The following CFAP97 variants were observed in gnomAD, a reference collection of about 807,000 sequenced individuals.
CFAP97 encodes cilia and flagella associated protein 97.
A neutral mutation model predicts 43.1 loss-of-function variants in CFAP97; 36 were observed. The ratio of observed to expected loss-of-function variants is 0.84; its 90% confidence interval spans 0.64 to 1.10. The LOEUF (loss-of-function observed/expected upper bound fraction) is 1.10. Ranked by LOEUF, CFAP97 falls within the 50% of genes least tolerant of loss-of-function variation. CFAP97 has a pLI of 0.00. For missense variants in CFAP97, 657 were observed against 620.3 expected (o/e 1.06, Z -0.63); for synonymous variants, 228 against 225.7 (o/e 1.01, Z -0.09).
chr4:185,194,015 G>A (rs796338782), intron 1 of CFAP97, among the ~76,000 whole-genome samples: 26 of 152,278 alleles, frequency 1.7e-4, no homozygotes, highest in African/African-American at 6.0e-4. Flanking sequence ...CTACCTGTCC[G>A]TAAACGAAAT....
chr4:185,163,377 T>A (rs1560852262), intron 4 of CFAP97, among the ~76,000 whole-genome samples: 1 of 152,138 alleles, frequency 6.6e-6, no homozygotes, highest in Admixed American at 6.5e-5. Flanking sequence ...TGGGAAGTTG[T>A]GGCATCGGGC....
rs746545458 is a variant in CFAP97, at chr4:185,201,535, C to CA, written c.-17+2362dup. 6.9e-4 allele frequency among the ~76,000 whole-genome samples: 104 copies of CA among 150,882 alleles called. No individual in the cohort carries two copies. In the East Asian group the frequency reaches 7.7e-3, roughly 11 times the overall value. On this transcript the variant is annotated intron_variant, in intron 1 of 4. Transcript: ENST00000458385. Reference sequence around the variant, plus strand: ...ACAGTGAGGCAAGACCCTCCACCAGCAAAAAAAAATTACAACTCCCTGAAG... The same window carrying CA: ...ACAGTGAGGCAAGACCCTCCACCAGCAAAAAAAAAATTACAACTCCCTGAAG...
chr4:185,161,083 C>T lies in CFAP97; in HGVS notation c.*1715G>A, dbSNP rs1000031449. ...ATAGGTTATATAAACAGTAAAAGTA[C>T]AGTAAGTTAAAAAACAAAAGAAAAT... is the stretch of plus-strand genomic sequence containing the variant. On this transcript the variant is annotated 3_prime_UTR_variant, in exon 5 of 5. Transcript: ENST00000458385. 6.6e-6 allele frequency: 1 copy of T among 151,792 alleles called. No homozygotes were observed. Among genetic ancestry groups the T allele is most frequent in the Non-Finnish European group, 1.5e-5 (1 of 67,954 alleles). 9.4% of individuals were successfully genotyped at this position (151,792 alleles called of 1,614,324 possible).
At chr4:185,196,565 T>C (rs1337857959) in intron 1 of CFAP97, among the ~76,000 whole-genome samples, 4 of 152,142 alleles carry the variant, frequency 2.6e-5, no homozygotes, top group Non-Finnish European at 1.5e-5. Flanking sequence ...TAGGCCTTGA[T>C]GTAAAACCAG....
intron 2 of CFAP97, among the ~76,000 whole-genome samples, chr4:185,177,802 TC>T (rs1735613124): frequency 6.6e-6 from 1 of 151,982 alleles, no homozygotes; most frequent in African/African-American, 2.4e-5. Flanking sequence ...GCCAGTGCAC[TC>T]CAGCCTGGGC....
intron 1 of CFAP97, among the ~76,000 whole-genome samples, chr4:185,197,172 T>G (rs1337538909): frequency 6.8e-6 from 1 of 147,602 alleles, no homozygotes; most frequent in African/African-American, 2.5e-5. Context: ...TTTCTTGAAA[T>G]TTGAAGAAAC....
chr4:185,192,231 TCA>T (rs984311328), intron 1 of CFAP97, among the ~76,000 whole-genome samples: 2 of 152,134 alleles, frequency 1.3e-5, no homozygotes, highest in African/African-American at 4.8e-5. Flanking sequence ...GAATATGTAA[TCA>T]CAAACTGTGC....
chr4:185,172,249 A>G (rs1420271143), intron 3 of CFAP97, among the ~76,000 whole-genome samples: 1 of 152,228 alleles, frequency 6.6e-6, no homozygotes, highest in Non-Finnish European at 1.5e-5. Flanking sequence ...AATAATTTTT[A>G]TTCCCTTAAT....
At chr4:185,166,624 A>T (rs1204575663) in intron 3 of CFAP97, among the ~76,000 whole-genome samples, 1 of 152,230 alleles carries the variant, frequency 6.6e-6, no homozygotes, top group Non-Finnish European at 1.5e-5. Context: ...ATCAACAATA[A>T]TGCAAAAAGT....
At chr4:185,175,480 T>A (rs1269909168) in intron 3 of CFAP97, among the ~76,000 whole-genome samples, 2 of 152,144 alleles carry the variant, frequency 1.3e-5, no homozygotes, top group African/African-American at 2.4e-5. Flanking sequence ...TTTGCCAGAT[T>A]GTGCAATCTG....
At position 185,176,106 on chromosome 4, in the gene CFAP97, A is replaced by G. The variant is rs978373976; in HGVS notation, c.1055-55T>C. On this transcript the variant is annotated intron_variant, in intron 2 of 4. Coordinates refer to ENST00000458385, the MANE Select transcript of CFAP97 (RefSeq NM_020827.3). ...AATGGCCAAAGTAAGTATGTGGTAC[A>G]TGCTTTTTTTTTTTTTCTCTTTTTA... 19 of 1,275,190 alleles carry G rather than the reference A, an allele frequency of 1.5e-5. No individual in the cohort carries two copies. In the African/African-American group the frequency reaches 1.7e-4, roughly 12 times the overall value. The allele number at this position is 1,275,190 out of a possible 1,614,324, so 79.0% of individuals were successfully genotyped here. A position where few individuals can be genotyped will look rare whatever the true frequency, so the allele number is the denominator to read the frequency against.
At chr4:185,178,954 G>T (rs1735670147) in intron 2 of CFAP97, among the ~76,000 whole-genome samples, 1 of 152,048 alleles carries the variant, frequency 6.6e-6, no homozygotes, top group African/African-American at 2.4e-5. Context: ...GAGCACCAGT[G>T]GTTTATTTTA....
intron 3 of CFAP97, among the ~76,000 whole-genome samples, chr4:185,168,335 G>A (rs915804362): frequency 5.3e-5 from 8 of 151,416 alleles, no homozygotes; most frequent in African/African-American, 1.2e-4. Flanking sequence ...GGCTGGGTGC[G>A]GTGGCTCACA....
intron 1 of CFAP97, 41 bp from the exon 2 acceptor site, chr4:185,191,253 C>T: frequency 3.8e-6 from 5 of 1,313,640 alleles, no homozygotes; most frequent in Non-Finnish European, 5.0e-6. Flanking sequence ...GAGTGATTTC[C>T]AAATACTTTC....
upstream of CFAP97, among the ~76,000 whole-genome samples, chr4:185,207,074 A>T (rs1737218480): frequency 6.6e-6 from 1 of 152,132 alleles, no homozygotes; most frequent in African/African-American, 2.4e-5. Flanking sequence ...GGTTGCCCAC[A>T]TCAAGGGTGG....
In CFAP97 at chr4:185,203,983, G is replaced by C. The variant is rs1411447224; in HGVS notation, c.-102C>G. On this transcript the variant is annotated 5_prime_UTR_variant, in exon 1 of 5. Coordinates refer to ENST00000458385, the MANE Select transcript of CFAP97 (RefSeq NM_020827.3). ...CGGGCTCCCGGCGCCGCGCGCCCGC[G>C]CTTCCGGAGGCGGAGAGAGCGGAAA... is the stretch of plus-strand genomic sequence containing the variant. The C allele has an allele frequency of 2.6e-5, 4 of 151,356 alleles. No individual in the cohort carries two copies. Among genetic ancestry groups the C allele is most frequent in the African/African-American group, 7.3e-5 (3 of 41,324 alleles). The allele number at this position is 151,356 out of a possible 1,614,324, so 9.4% of individuals were successfully genotyped here.
chr4:185,190,143 C>A lies in CFAP97; in HGVS notation c.1054G>T (p.Ala352Ser). ...ATTTTTAAGAAGAAAAGAAAATTAC[C>A]TTTCAAGAGATGATTCAGATCCATT... is the stretch of plus-strand genomic sequence containing the variant. ...DTMDLNHLLK[A>S]FLQLDKKGPQ... is the part of the protein sequence containing the mutation. The change falls in exon 2 of 5, where the codon GCT (alanine) becomes TCT (serine). Residue 352 changes from alanine (A) to serine (S), a missense_variant and splice_region_variant. Transcript: ENST00000458385. 1.3e-6 allele frequency: 2 copies of A among 1,538,528 alleles called. No homozygotes were observed. Among genetic ancestry groups the A allele is most frequent in the South Asian group, 1.2e-5 (1 of 80,154 alleles).
intron 1 of CFAP97, among the ~76,000 whole-genome samples, chr4:185,203,349 C>T (rs1736997557): frequency 6.6e-6 from 1 of 152,226 alleles, no homozygotes; most frequent in Non-Finnish European, 1.5e-5. Flanking sequence ...CAGAAAAGCA[C>T]CGGGCACTTT....
chr4:185,170,176 T>G lies in CFAP97; in HGVS notation c.1320+5610A>C. The G allele has an allele frequency of 5.0e-6, 3 of 597,086 alleles. No individual in the cohort carries two copies. In the South Asian group the frequency reaches 7.9e-5, roughly 16 times the overall value. 37.0% of individuals were successfully genotyped at this position (597,086 alleles called of 1,614,324 possible). A position where few individuals can be genotyped will look rare whatever the true frequency, so the allele number is the denominator to read the frequency against. ...CAGCCTGGCTAACATGGCAATACCA[T>G]CTCCACTAAAAATACAAAAATTAGC... On this transcript the variant is annotated intron_variant, in intron 3 of 4. Transcript: ENST00000458385.
Sources: allele counts gnomAD v4.1 joint callset (sites outside exome capture counted in the v4.1 genomes callset), GRCh38; gene constraint gnomAD v4.1.1; transcripts MANE v1.5; gene names NCBI Gene and HGNC (gene_info 2026-07-23, HGNC 2026-07-21).